FBXO21: variants seen among roughly 807,000 people sequenced by gnomAD.
FBXO21 encodes F-box only protein 21.
Under a neutral mutation model 76.6 loss-of-function variants are expected in FBXO21, and 32 were observed. The observed-to-expected ratio is 0.42, with a 90% CI of 0.32 to 0.56. The LOEUF (loss-of-function observed/expected upper bound fraction) is 0.56. Ranked by LOEUF, FBXO21 falls within the 20% of genes least tolerant of loss-of-function variation. FBXO21 has a pLI of 0.16. For synonymous variants in FBXO21, 328 were observed against 311.5 expected (o/e 1.05, Z -0.56); for missense variants, 586 against 797.3 (o/e 0.73, Z 3.19).
chr12:117,183,176 A>G (rs1299306088), intron 3 of FBXO21, among the ~76,000 whole-genome samples: 4 of 151,712 alleles, frequency 2.6e-5, no homozygotes, highest in Non-Finnish European at 5.9e-5. Context: ...ACTATAATAT[A>G]TGTCTTTACT....
At chr12:117,146,359 CCCTTCCAGGTGG>C in intron 11 of FBXO21, 82 bp from the exon 12 acceptor site, 1 of 1,254,652 alleles carries the variant, frequency 8.0e-7, no homozygotes, top group South Asian at 1.5e-5. Flanking sequence ...CTCCCATCAC[CCCTTCCAGGTGG>C]CATTTTTGGG....
chr12:117,164,926 C>G (rs7315039), intron 9 of FBXO21, among the ~76,000 whole-genome samples: 1 of 152,074 alleles, frequency 6.6e-6, no homozygotes, highest in South Asian at 2.1e-4. Context: ...ACACAGCTCA[C>G]GGAGGTAAAC....
intron 3 of FBXO21, among the ~76,000 whole-genome samples, chr12:117,180,900 T>C (rs958301687): frequency 1.3e-5 from 2 of 152,198 alleles, no homozygotes; most frequent in African/African-American, 4.8e-5. Context: ...CCCAAAGTGC[T>C]GGGATTACTC....
At position 117,146,059 on chromosome 12, in the gene FBXO21, A is replaced by G. The variant is rs1369279148; in HGVS notation, c.*28T>C. On this transcript the variant is annotated 3_prime_UTR_variant, in exon 12 of 12. Transcript: ENST00000622495. ...CGTTCTCTTGGAAGATAGCAGCAGC[A>G]GCAAAGGTGCAATGTCCTCTCTAGA... The G allele has an allele frequency of 1.3e-6, 2 of 1,519,760 alleles. No homozygotes were observed. 94.1% of individuals were successfully genotyped at this position (1,519,760 alleles called of 1,614,324 possible).
chr12:117,185,575 T>G (rs2036312), intron 3 of FBXO21, among the ~76,000 whole-genome samples: 1 of 151,968 alleles, frequency 6.6e-6, no homozygotes, highest in Admixed American at 6.5e-5. Flanking sequence ...AAATAAAAGG[T>G]ATATGAAATT....
Position 117,172,625 on chromosome 12 carries a change from C to T in FBXO21, c.877-18G>A, listed in dbSNP as rs142755416. The stretch of plus-strand genomic sequence containing the variant: ...ATCAAAACCTAAAGCAGAAAAAATG[C>T]TTTTATTTCACTGGGATGAACTATA... On this transcript the variant is annotated intron_variant, in intron 6 of 11. Transcript: ENST00000622495. 24 of 1,607,608 alleles carry T rather than the reference C, an allele frequency of 1.5e-5. No homozygotes were observed. The highest frequency in any genetic ancestry group is 2.0e-5 in the Non-Finnish European group (23 of 1,174,782).
intron 2 of FBXO21, among the ~76,000 whole-genome samples, chr12:117,187,195 C>T (rs1489680024): frequency 6.6e-6 from 1 of 151,662 alleles, no homozygotes; most frequent in African/African-American, 2.4e-5. Context: ...CTGAGGTGGG[C>T]GGATCACCTG....
chr12:117,167,379 G>A (rs1367525164), intron 7 of FBXO21, among the ~76,000 whole-genome samples: 1 of 152,172 alleles, frequency 6.6e-6, no homozygotes, highest in Non-Finnish European at 1.5e-5. Context: ...AATGCCTGAG[G>A]CAGTCTGTTA....
chr12:117,166,353 G>A (rs554393031), intron 8 of FBXO21, among the ~76,000 whole-genome samples: 3 of 152,318 alleles, frequency 2.0e-5, no homozygotes, highest in South Asian at 4.1e-4. Context: ...CAGTGATAAT[G>A]ATGCGTCAGT....
chr12:117,169,484 C>G (rs1028190051), intron 7 of FBXO21, among the ~76,000 whole-genome samples: 1 of 150,490 alleles, frequency 6.6e-6, no homozygotes, highest in Non-Finnish European at 1.5e-5. Context: ...AATTCTATTA[C>G]AACAAAAAAA....
chr12:117,156,441 A>T (rs527363942), intron 10 of FBXO21, among the ~76,000 whole-genome samples: 13 of 152,346 alleles, frequency 8.5e-5, no homozygotes, highest in Admixed American at 7.8e-4. Flanking sequence ...GGGAAATAGG[A>T]ACTCTCATTA....
Position 117,145,210 on chromosome 12 carries a change from G to T in FBXO21, c.*877C>A, listed in dbSNP as rs569700341. 3 of 150,600 alleles carry T rather than the reference G, an allele frequency of 2.0e-5. No individual in the cohort carries two copies. The highest frequency in any genetic ancestry group is 1.3e-4 in the Admixed American group (2 of 15,026). The allele number at this position is 150,600 out of a possible 1,614,324, so 9.3% of individuals were successfully genotyped here. On this transcript the variant is annotated 3_prime_UTR_variant, in exon 12 of 12. Coordinates refer to ENST00000622495, the MANE Select transcript of FBXO21 (RefSeq NM_015002.3). ...AGATTTGTATGTCTCACTACAAAAAGAACCCATCACTGATGTAAGACCTAC... is the reference window on the plus strand; with the variant it reads ...AGATTTGTATGTCTCACTACAAAAATAACCCATCACTGATGTAAGACCTAC...
At chr12:117,189,453 T>A in intron 1 of FBXO21, 91 bp from the exon 2 acceptor site, 1 of 1,405,494 alleles carries the variant, frequency 7.1e-7, no homozygotes, top group Non-Finnish European at 1.0e-6. Flanking sequence ...GGGACAGCAG[T>A]GGCGTCCAGT....
chr12:117,189,074 G>T, intron 2 of FBXO21, 153 bp downstream of exon 2: 1 of 815,138 alleles, frequency 1.2e-6, no homozygotes. Flanking sequence ...AGGAGGAAAA[G>T]GACACAATGA....
At chr12:117,165,343 T>C in intron 9 of FBXO21, 142 bp downstream of exon 9, 1 of 854,662 alleles carries the variant, frequency 1.2e-6, no homozygotes, top group Admixed American at 2.4e-5. Context: ...AAAAAAAATC[T>C]ACCAATGGGT....
At chr12:117,188,965 T>G (rs1956317338) in intron 2 of FBXO21, 2 of 458,578 alleles carry the variant, frequency 4.4e-6, no homozygotes, top group African/African-American at 3.9e-5. Flanking sequence ...CCGTCTACAT[T>G]GTGCTGCGTG....
intron 9 of FBXO21, among the ~76,000 whole-genome samples, chr12:117,161,130 A>T (rs1180485313): frequency 6.6e-6 from 1 of 152,112 alleles, no homozygotes; most frequent in African/African-American, 2.4e-5. Flanking sequence ...CAAGCACAGG[A>T]ACGACGGGAA....
chr12:117,172,075 A>T (rs1298180655), intron 7 of FBXO21, among the ~76,000 whole-genome samples: 1 of 152,196 alleles, frequency 6.6e-6, no homozygotes, highest in Non-Finnish European at 1.5e-5. Context: ...GAAGAATGAA[A>T]AGAAATAATT....
intron 11 of FBXO21, among the ~76,000 whole-genome samples, chr12:117,147,572 TG>T (rs1300833610): frequency 1.6e-5 from 2 of 121,636 alleles, no homozygotes; most frequent in Non-Finnish European, 3.2e-5. Context: ...CACTCCAGCC[TG>T]GGCAGCAGAG....
Sources: allele counts gnomAD v4.1 joint callset (sites outside exome capture counted in the v4.1 genomes callset), GRCh38; gene constraint gnomAD v4.1.1; transcripts MANE v1.5; gene names NCBI Gene and HGNC (gene_info 2026-07-23, HGNC 2026-07-21).